Variants in GRID2 observed in about 807,000 individuals in gnomAD.
The protein encoded by GRID2 is glutamate receptor ionotropic, delta-2.
In GRID2, 33 loss-of-function variants were observed where a neutral mutation model predicts 114.8. That is an observed-to-expected ratio of 0.29 (90% CI 0.22 to 0.38). The LOEUF is 0.38. Among genes scored for constraint, GRID2 ranks in the 10% least tolerant of loss-of-function variants. GRID2 has a pLI of 1.00. For missense variants in GRID2, 1,184 were observed against 1,257.7 expected (o/e 0.94, Z 0.89); for synonymous variants, 505 against 449.9 (o/e 1.12, Z -1.55).
intron 2 of GRID2, among the ~76,000 whole-genome samples, chr4:92,697,345 A>G (rs763484327): frequency 2.6e-5 from 4 of 152,152 alleles, no homozygotes; most frequent in Admixed American, 2.0e-4. Flanking sequence ...CCAATGTACA[A>G]AAGTACAAGG....
chr4:92,408,431 CTTTTTTTTTTTTTTTTTT>C (rs35638036), intron 1 of GRID2, among the ~76,000 whole-genome samples: 14 of 19,432 alleles, frequency 7.2e-4, no homozygotes, highest in African/African-American at 2.2e-3. Context: ...TATTCAAGCT[CTTTTTTTTTTTTTTTTTT>C]TTTTTTTTTT....
intron 7 of GRID2, among the ~76,000 whole-genome samples, chr4:93,237,578 A>C (rs1746944499): frequency 6.6e-6 from 1 of 151,956 alleles, no homozygotes. Flanking sequence ...ATTTTAAGTT[A>C]GACATATTTT....
At chr4:92,502,072 ATTG>A (rs1191251169) in intron 1 of GRID2, among the ~76,000 whole-genome samples, 1 of 152,128 alleles carries the variant, frequency 6.6e-6, no homozygotes, top group Non-Finnish European at 1.5e-5. Context: ...TCCTTTGGAA[ATTG>A]TTGTCAAATT....
chr4:92,673,086 G>A (rs1733155866), intron 2 of GRID2, among the ~76,000 whole-genome samples: 1 of 151,968 alleles, frequency 6.6e-6, no homozygotes, highest in South Asian at 2.1e-4. Context: ...TTGTGGGATT[G>A]GCTTATTTAA....
At chr4:92,760,237 CAAAAAA>C (rs982301426) in intron 2 of GRID2, among the ~76,000 whole-genome samples, 2 of 38,408 alleles carry the variant, frequency 5.2e-5, no homozygotes, top group Non-Finnish European at 1.0e-4. Flanking sequence ...GACTCTGTCT[CAAAAAA>C]AAAAAAAAAA....
At chr4:93,423,233 C>A (rs1215346047) in intron 10 of GRID2, among the ~76,000 whole-genome samples, 1 of 151,384 alleles carries the variant, frequency 6.6e-6, no homozygotes, top group Middle Eastern at 3.4e-3. Context: ...AGAAGAAGAC[C>A]TTTTCTTTGC....
intron 1 of GRID2, among the ~76,000 whole-genome samples, chr4:92,537,207 G>T (rs1725682270): frequency 6.6e-6 from 1 of 152,108 alleles, no homozygotes. Flanking sequence ...GGAGATGAGG[G>T]ATTCACTTTG....
intron 2 of GRID2, among the ~76,000 whole-genome samples, chr4:92,926,175 C>T (rs1749794704): frequency 6.6e-6 from 1 of 151,488 alleles, no homozygotes; most frequent in African/African-American, 2.4e-5. Flanking sequence ...TATTTTGGTC[C>T]AAGTAAATAA....
intron 1 of GRID2, among the ~76,000 whole-genome samples, chr4:92,441,715 A>G (rs910620489): frequency 5.5e-4 from 84 of 151,732 alleles, no homozygotes; most frequent in East Asian, 4.7e-3. Flanking sequence ...GGATATTGGC[A>G]TTGAGTGGGG....
At chr4:93,443,098 T>G (rs1056440470) in intron 10 of GRID2, among the ~76,000 whole-genome samples, 1 of 152,030 alleles carries the variant, frequency 6.6e-6, no homozygotes, top group East Asian at 1.9e-4. Context: ...TTTAGGACTA[T>G]TTCAATGGCC....
intron 10 of GRID2, among the ~76,000 whole-genome samples, chr4:93,446,958 A>T (rs1580110017): frequency 6.6e-6 from 1 of 151,868 alleles, no homozygotes; most frequent in Middle Eastern, 3.4e-3. Flanking sequence ...TTGATAATAC[A>T]TCATGTGCCT....
At chr4:92,633,749 G>A (rs1366112260) in intron 2 of GRID2, among the ~76,000 whole-genome samples, 1 of 152,014 alleles carries the variant, frequency 6.6e-6, no homozygotes, top group African/African-American at 2.4e-5. Flanking sequence ...GGGCATAATG[G>A]CCATATTTGT....
chr4:93,751,509 T>C (rs1340255025), intron 14 of GRID2, among the ~76,000 whole-genome samples: 1 of 152,170 alleles, frequency 6.6e-6, no homozygotes, highest in African/African-American at 2.4e-5. Flanking sequence ...TGGGGGGAAA[T>C]GCTCCTGTGG....
intron 4 of GRID2, among the ~76,000 whole-genome samples, chr4:93,129,355 G>T (rs117950981): frequency 0.012 from 1,782 of 151,558 alleles, 51 homozygotes; most frequent in Admixed American, 0.062. Flanking sequence ...TGTTTTTTTT[G>T]TTTGTTTGTT....
At chr4:93,043,635 A>T (rs949864825) in intron 2 of GRID2, among the ~76,000 whole-genome samples, 11 of 152,182 alleles carry the variant, frequency 7.2e-5, no homozygotes, top group Non-Finnish European at 1.5e-4. Flanking sequence ...GATGAAGTTT[A>T]AAATGAGGAG....
intron 14 of GRID2, among the ~76,000 whole-genome samples, chr4:93,661,953 G>A (rs1169222282): frequency 6.6e-6 from 1 of 152,100 alleles, no homozygotes; most frequent in Non-Finnish European, 1.5e-5. Flanking sequence ...TGGTCCTACA[G>A]CATGTGGGCT....
intron 2 of GRID2, among the ~76,000 whole-genome samples, chr4:92,703,310 T>C (rs1174117366): frequency 6.6e-6 from 1 of 152,128 alleles, no homozygotes; most frequent in African/African-American, 2.4e-5. Flanking sequence ...GGACCACTGT[T>C]GAAAGCAAGG....
At chr4:92,779,551 C>T (rs1051967947) in intron 2 of GRID2, among the ~76,000 whole-genome samples, 8 of 152,012 alleles carry the variant, frequency 5.3e-5, no homozygotes, top group Admixed American at 3.9e-4. Flanking sequence ...CATCAGGAAG[C>T]AGGTTTCTCA....
intron 1 of GRID2, among the ~76,000 whole-genome samples, chr4:92,312,012 C>A (rs1207137584): frequency 1.3e-5 from 2 of 151,728 alleles, no homozygotes; most frequent in Non-Finnish European, 2.9e-5. Context: ...TTCATTGGAA[C>A]AGAGACTTGA....
Sources: gnomAD v4.1 joint callset for allele counts (sites outside exome capture counted in the v4.1 genomes callset) on GRCh38, gnomAD v4.1.1 for gene constraint, MANE v1.5 for transcripts, NCBI Gene and HGNC (gene_info 2026-07-23, HGNC 2026-07-21) for gene names.